Variants in PPP1R1B observed in about 807,000 individuals in gnomAD.
PPP1R1B encodes the protein protein phosphatase 1 regulatory subunit 1B.
A neutral mutation model predicts 28.2 loss-of-function variants in PPP1R1B; 13 were observed. The ratio of observed to expected loss-of-function variants is 0.46; its 90% CI spans 0.30 to 0.73. PPP1R1B has a LOEUF of 0.73. Among genes scored for constraint, PPP1R1B ranks in the 30% least tolerant of loss-of-function variants. PPP1R1B has a pLI of 0.07. For synonymous variants in PPP1R1B, 102 were observed against 97.5 expected, an observed-to-expected ratio of 1.05 and a Z score of -0.27; for missense variants, 236 against 256.7, an observed-to-expected ratio of 0.92 and a Z score of 0.55.
At position 39,634,067 on chromosome 17, in the gene PPP1R1B, G is replaced by C. The variant is rs1359035439; in HGVS notation, c.426G>C (p.Leu142=). The C allele has an allele frequency of 1.2e-6, 2 of 1,613,878 alleles. No individual in the cohort carries two copies. ...EEEEDSQAEV[L]KVIRQSAGQK... is the part of the protein sequence containing the mutation. ...AAGAGGACAGCCAGGCTGAAGTCCT[G>C]AAGGTCATCAGGCAGTCTGGTAAGC... The change falls in exon 5 of 7, where the codon CTG becomes CTC. Residue 142 remains leucine (L), a synonymous_variant. Transcript: ENST00000254079.
chr17:39,635,653 G>A lies in PPP1R1B; in HGVS notation c.492G>A (p.Glu164=), dbSNP rs1323086377. The part of the protein sequence containing the change: ...TCGQGLEGPW[E]RPPPLDESER... ...GCCAGGGTCTGGAAGGGCCCTGGGA[G>A]CGCCCACCCCCTCTGGATGAGTCCG... The change falls in exon 6 of 7, where the codon GAG becomes GAA. Residue 164 remains glutamate, a synonymous_variant. Coordinates refer to ENST00000254079, the MANE Select transcript of PPP1R1B (RefSeq NM_032192.4). The A allele has an allele frequency of 6.2e-7, 1 of 1,614,180 alleles. No homozygotes were observed. The highest frequency in any genetic ancestry group is 8.5e-7 in the Non-Finnish European group (1 of 1,180,040).
Position 39,636,473 on chromosome 17 carries a change from T to C in PPP1R1B, c.*608T>C, listed in dbSNP as rs2056925031. ...CTCTTTGTTGCGTTTTGTGCTTTGA[T>C]GCCAGGAATGCCGCCTAGTTTATGT... On this transcript the variant is annotated 3_prime_UTR_variant, in exon 7 of 7. Transcript: ENST00000254079. The C allele has an allele frequency of 6.5e-6, 1 of 152,996 alleles. No individual in the cohort carries two copies. Among genetic ancestry groups the C allele is most frequent in the Non-Finnish European group, 1.5e-5 (1 of 68,208 alleles). The allele number at this position is 152,996 out of a possible 1,614,324, so 9.5% of individuals were successfully genotyped here.
intron 4 of PPP1R1B, among the ~76,000 whole-genome samples, chr17:39,631,782 G>A (rs1477923341): frequency 6.6e-6 from 1 of 152,188 alleles, no homozygotes; most frequent in Non-Finnish European, 1.5e-5. Context: ...GCAGCAAGTG[G>A]GCAGTGTGGC....
Position 39,636,100 on chromosome 17 carries a change from A to C in PPP1R1B, c.*235A>C. ...ACCCCTGCCAGTCATTCCTCCATTC[A>C]CCCAGCGGGAGGTGGGATGTGAGAC... On this transcript the variant is annotated 3_prime_UTR_variant, in exon 7 of 7. Transcript: ENST00000254079. The C allele has an allele frequency of 1.8e-6, 1 of 554,292 alleles. No individual in the cohort carries two copies. Among genetic ancestry groups the C allele is most frequent in the Non-Finnish European group, 3.2e-6 (1 of 309,420 alleles). The allele number at this position is 554,292 out of a possible 1,614,324, so 34.3% of individuals were successfully genotyped here.
In PPP1R1B at chr17:39,630,040, G is replaced by A. The variant is rs142451779; in HGVS notation, c.234G>A (p.Ser78=). ...RPNPCAYTPP[S]LKAVQRIAES... ...ACCCCTGTGCCTACACACCACCTTC[G>A]CTGAAAGGTACTATACCCCCACCGA... The change falls in exon 4 of 7, where the codon TCG becomes TCA. Residue 78 remains serine, a synonymous_variant. Coordinates refer to ENST00000254079, the MANE Select transcript of PPP1R1B (RefSeq NM_032192.4). 14 of 1,613,910 alleles carry A rather than the reference G, an allele frequency of 8.7e-6. No homozygotes were observed. Among genetic ancestry groups the A allele is most frequent in the Middle Eastern group, 1.6e-4 (1 of 6,084 alleles).
intron 4 of PPP1R1B, among the ~76,000 whole-genome samples, chr17:39,630,722 G>A (rs1458357624): frequency 6.6e-6 from 1 of 152,164 alleles, no homozygotes; most frequent in African/African-American, 2.4e-5. Context: ...CTAGGAGTTC[G>A]AGACCAGCTT....
Position 39,629,186 on chromosome 17 carries a change from C to A in PPP1R1B, c.98C>A (p.Pro33Gln). 1.9e-6 allele frequency: 3 copies of A among 1,613,546 alleles called. No individual in the cohort carries two copies. The highest frequency in any genetic ancestry group is 2.5e-6 in the Non-Finnish European group (3 of 1,179,868). Reference protein sequence around the residue: ...RQVEMIRRRRPTPAMLFRLSE... With the variant: ...RQVEMIRRRRQTPAMLFRLSE... ...TCTCCTTAGATCCGGCGCAGGAGACCAACGCCTGCCATGCTGTTCCGGCTC... is the reference window on the plus strand; with the variant it reads ...TCTCCTTAGATCCGGCGCAGGAGACAAACGCCTGCCATGCTGTTCCGGCTC... Residue 33 changes from proline to glutamine, a missense_variant, in exon 2 of 7, where the codon CCA becomes CAA. Transcript: ENST00000254079.
chr17:39,629,308 T>G (rs2056858737), intron 2 of PPP1R1B, 78 bp downstream of exon 2: 1 of 1,474,096 alleles, frequency 6.8e-7, no homozygotes, highest in Admixed American at 1.7e-5. Flanking sequence ...CAAAGTCCCA[T>G]GAACAGGAGT....
At chr17:39,634,364 G>A (rs1231830312) in intron 5 of PPP1R1B, among the ~76,000 whole-genome samples, 1 of 152,220 alleles carries the variant, frequency 6.6e-6, no homozygotes, top group Non-Finnish European at 1.5e-5. Context: ...TGAGGCTAGA[G>A]CCAAAAGAGG....
rs1462084175 is a variant in PPP1R1B at position 39,627,427 on chromosome 17, C to T, written c.35C>T (p.Ser12Leu). The change falls in exon 1 of 7, where the codon TCG becomes TTG. Residue 12 changes from serine (S) to leucine (L), a missense_variant. By Grantham distance (145) the Ser-to-Leu change is moderately radical. Coordinates refer to ENST00000254079, the MANE Select transcript of PPP1R1B (RefSeq NM_032192.4). ...AAGGACCGCAAGAAGATCCAGTTCT[C>T]GGTGCCCGCGCCCCCTAGCCAGCTC... ...DPKDRKKIQF[S>L]VPAPPSQLDP... The T allele has an allele frequency of 6.2e-7, 1 of 1,604,262 alleles. No individual in the cohort carries two copies. Among genetic ancestry groups the T allele is most frequent in the Admixed American group, 1.7e-5 (1 of 59,468 alleles).
At chr17:39,634,162 C>T in intron 5 of PPP1R1B, 76 bp downstream of exon 5, 1 of 1,577,218 alleles carries the variant, frequency 6.3e-7, no homozygotes, top group Non-Finnish European at 8.7e-7. Flanking sequence ...CCTTCTAGTT[C>T]AGTGTCTCAT....
chr17:39,634,100 C>T lies in PPP1R1B; in HGVS notation c.445+14C>T. 5 of 1,613,280 alleles carry T rather than the reference C, an allele frequency of 3.1e-6. No homozygotes were observed. Among genetic ancestry groups the T allele is most frequent in the Non-Finnish European group, 4.2e-6 (5 of 1,179,810 alleles). ...TCAGGCAGTCTGGTAAGCTGAGGGG[C>T]CTGTGACATGTGGATTAGCTGTGGG... On this transcript the variant is annotated intron_variant, in intron 5 of 6. Transcript: ENST00000254079.
chr17:39,627,163 G>A lies in PPP1R1B; in HGVS notation c.-230G>A, dbSNP rs574825515. 2.1e-6 allele frequency: 1 copy of A among 473,490 alleles called. No homozygotes were observed. Among genetic ancestry groups the A allele is most frequent in the African/African-American group, 2.1e-5 (1 of 48,290 alleles). The allele number at this position is 473,490 out of a possible 1,614,324, so 29.3% of individuals were successfully genotyped here. On this transcript the variant is annotated 5_prime_UTR_variant, in exon 1 of 7. Transcript: ENST00000254079. ...GGCACAGACCTGGCTCAGCGAGCGCGGGGGGCGAGCCCCGAGTCCCGAGAG... is the reference window on the plus strand; with the variant it reads ...GGCACAGACCTGGCTCAGCGAGCGCAGGGGGCGAGCCCCGAGTCCCGAGAG...
intron 4 of PPP1R1B, chr17:39,633,653 A>G (rs1186359437): frequency 1.8e-6 from 1 of 563,814 alleles, no homozygotes; most frequent in Non-Finnish European, 3.0e-6. Flanking sequence ...CTAGCATCTT[A>G]GGACAGCTTA....
chr17:39,630,683 G>A (rs879650487), intron 4 of PPP1R1B, among the ~76,000 whole-genome samples: 6 of 152,226 alleles, frequency 3.9e-5, no homozygotes, highest in African/African-American at 1.2e-4. Context: ...CAGCACTTTG[G>A]GAGGCCAAGG....
At chr17:39,631,380 C>T (rs1010620134) in intron 4 of PPP1R1B, among the ~76,000 whole-genome samples, 6 of 152,174 alleles carry the variant, frequency 3.9e-5, no homozygotes, top group African/African-American at 1.4e-4. Context: ...GAAAGAGATG[C>T]GAGTCAGAGG....
chr17:39,630,374 A>C, intron 4 of PPP1R1B: 1 of 346,602 alleles, frequency 2.9e-6, no homozygotes, highest in East Asian at 5.9e-5. Flanking sequence ...GTGGTGGACC[A>C]CCTCCCACCC....
chr17:39,629,171 T>C lies in PPP1R1B; in HGVS notation c.83T>C (p.Ile28Thr). Residue 28 changes from isoleucine (I) to threonine (T), a missense_variant and splice_region_variant, in exon 2 of 7, where the codon ATC (isoleucine) becomes ACC (threonine). Physicochemically the swap from Ile to Thr is moderately conservative, Grantham distance 89 (BLOSUM62 -1). Transcript: ENST00000254079. Reference protein sequence around the residue: ...SQLDPRQVEMIRRRRPTPAML... With the variant: ...SQLDPRQVEMTRRRRPTPAML... ...TCACCCCTCCCTCCATCTCCTTAGATCCGGCGCAGGAGACCAACGCCTGCC... is the reference window on the plus strand; with the variant it reads ...TCACCCCTCCCTCCATCTCCTTAGACCCGGCGCAGGAGACCAACGCCTGCC... 6.2e-7 allele frequency: 1 copy of C among 1,613,382 alleles called. No homozygotes were observed. Among genetic ancestry groups the C allele is most frequent in the Non-Finnish European group, 8.5e-7 (1 of 1,179,784 alleles).
At chr17:39,628,419 G>C (rs749805541) in intron 1 of PPP1R1B, 9 of 697,296 alleles carry the variant, frequency 1.3e-5, no homozygotes, top group Admixed American at 6.5e-5. Context: ...CTGACAGTTG[G>C]TCTGATTGCC....
Sources: gnomAD v4.1 joint callset for allele counts (sites outside exome capture counted in the v4.1 genomes callset) on GRCh38, gnomAD v4.1.1 for gene constraint, MANE v1.5 for transcripts, NCBI Gene and HGNC (gene_info 2026-07-23, HGNC 2026-07-21) for gene names.